The following GPR135 variants were observed in gnomAD, a reference collection of about 807,000 sequenced individuals.
GPR135 encodes G protein-coupled receptor 135, also known as G-protein coupled receptor 135.
A neutral mutation model predicts 15.0 loss-of-function variants in GPR135; 17 were observed. The ratio of observed to expected loss-of-function variants is 1.13; its 90% CI spans 0.78 to 1.70. The LOEUF (loss-of-function observed/expected upper bound fraction) is 1.70. Among genes scored for constraint, GPR135 ranks in the 40% most tolerant of loss-of-function variants. The pLI, the probability that GPR135 is intolerant of heterozygous loss-of-function variation, is 0.00. For missense variants in GPR135, 776 were observed against 727.0 expected, an observed-to-expected ratio of 1.07 and a Z score of -0.78; for synonymous variants, 368 against 349.4, an observed-to-expected ratio of 1.05 and a Z score of -0.59.
downstream of GPR135, among the ~76,000 whole-genome samples, chr14:59,459,781 C>T (rs377433219): frequency 3.9e-5 from 6 of 152,274 alleles, no homozygotes; most frequent in East Asian, 9.6e-4. Context: ...CATTTTTCCT[C>T]TCAAGTGAGA....
downstream of GPR135, among the ~76,000 whole-genome samples, chr14:59,458,703 C>T (rs138558119): frequency 1.1e-3 from 174 of 152,222 alleles, no homozygotes; most frequent in African/African-American, 4.0e-3. Flanking sequence ...TCAGCTTGCC[C>T]GTTCAAGCAT....
Position 59,461,101 on chromosome 14 carries a change from G to A in GPR135, c.*2641C>T. The A allele has an allele frequency of 6.6e-6, 1 of 152,344 alleles. No individual in the cohort carries two copies. The highest frequency in any genetic ancestry group is 1.5e-5 in the Non-Finnish European group (1 of 68,022). 9.4% of individuals were successfully genotyped at this position (152,344 alleles called of 1,614,324 possible). A position where few individuals can be genotyped will look rare whatever the true frequency, so the allele number is the denominator to read the frequency against. On this transcript the variant is annotated 3_prime_UTR_variant, in exon 1 of 1. Coordinates refer to ENST00000395116, the MANE Select transcript of GPR135 (RefSeq NM_022571.6). ...GTTACAAAGCCACAAGGTCCTTGCT[G>A]AGGCTGTAAGCCCTCTGCAGATGAG...
rs1415456340 is a variant in GPR135, at chr14:59,464,729, A to G, written c.498T>C (p.Thr166=). ...CGGCAGGCGCCGAACCCCCGGGCGG[A>G]GTGAAGAGGTCCAGGAAGGCGGCGG... ...CLPAAFLDLF[T]PPGGSAPAAA... The change falls in exon 1 of 1, where the codon ACT becomes ACC. Residue 166 remains threonine, a synonymous_variant. Coordinates refer to ENST00000395116, the MANE Select transcript of GPR135 (RefSeq NM_022571.6). 2 of 1,565,744 alleles carry G rather than the reference A, an allele frequency of 1.3e-6. No homozygotes were observed. The highest frequency in any genetic ancestry group is 3.8e-5 in the Admixed American group (2 of 52,924).
chr14:59,464,833 G>A lies in GPR135; in HGVS notation c.394C>T (p.Arg132Trp), dbSNP rs779653044. 4 of 1,594,744 alleles carry A rather than the reference G, an allele frequency of 2.5e-6. No homozygotes were observed. Among genetic ancestry groups the A allele is most frequent in the African/African-American group, 1.3e-5 (1 of 74,708 alleles). The change falls in exon 1 of 1, where the codon CGG (arginine) becomes TGG (tryptophan). Residue 132 changes from arginine to tryptophan, a missense_variant. Arg to Trp is a moderately radical substitution (Grantham distance 101). Transcript: ENST00000395116. ...CAVMGVIVKH[R>W]QLRTVTNAFI... ...GCGTTGGTGACGGTGCGGAGCTGCC[G>A]GTGCTTCACAATCACCCCCATCACC...
In GPR135 at chr14:59,464,329, T is replaced by A. The variant is rs199514310; in HGVS notation, c.898A>T (p.Ile300Phe). 7.4e-6 allele frequency: 12 copies of A among 1,610,872 alleles called. No homozygotes were observed. In the East Asian group the frequency reaches 2.7e-4, roughly 36 times the overall value. The change falls in exon 1 of 1, where the codon ATC becomes TTC. Residue 300 changes from isoleucine to phenylalanine, a missense_variant. Ile to Phe is a conservative substitution (Grantham distance 21). Transcript: ENST00000395116. Reference sequence around the variant, plus strand: ...TCCGACAGGCGCACCGTCTTGCAGATGTGGTAGTGGCAGAAGCACATGAGC... The same window carrying A: ...TCCGACAGGCGCACCGTCTTGCAGAAGTGGTAGTGGCAGAAGCACATGAGC... ...FLLMCFCHYH[I>F]CKTVRLSDVR...
Position 59,465,344 on chromosome 14 carries a change from G to T in GPR135, c.-118C>A. The T allele has an allele frequency of 1.4e-6, 1 of 740,366 alleles. No individual in the cohort carries two copies. The highest frequency in any genetic ancestry group is 1.8e-6 in the Non-Finnish European group (1 of 544,848). 45.9% of individuals were successfully genotyped at this position (740,366 alleles called of 1,614,324 possible). ...CGCCGCGGGGAGCTGGGCTCGGCCGGAGGGGTGGCGGTCGCTGGGGACCTG... is the reference window on the plus strand; with the variant it reads ...CGCCGCGGGGAGCTGGGCTCGGCCGTAGGGGTGGCGGTCGCTGGGGACCTG... On this transcript the variant is annotated 5_prime_UTR_variant, in exon 1 of 1. Transcript: ENST00000395116.
chr14:59,453,293 G>A (rs1269550961), intron 6 of GPR135, among the ~76,000 whole-genome samples: 1 of 152,098 alleles, frequency 6.6e-6, no homozygotes, highest in East Asian at 1.9e-4. Context: ...TCTCTGGTGG[G>A]GGATATTGGT....
At position 59,463,598 on chromosome 14, in the gene GPR135, G is replaced by A. The variant is rs190028181; in HGVS notation, c.*144C>T. ...TTGAAGAAGGGACATTGTCTTTTAT[G>A]TTGTTTGGGGAAAGTGGTAAGCCTC... On this transcript the variant is annotated 3_prime_UTR_variant, in exon 1 of 1. Transcript: ENST00000395116. 3.0e-4 allele frequency: 229 copies of A among 751,364 alleles called. No homozygotes were observed. In the East Asian group the frequency reaches 5.3e-3, roughly 18 times the overall value. 46.5% of individuals were successfully genotyped at this position (751,364 alleles called of 1,614,324 possible). A position where few individuals can be genotyped will look rare whatever the true frequency, so the allele number is the denominator to read the frequency against.
Position 59,463,532 on chromosome 14 carries a change from G to T in GPR135, c.*210C>A. ...CACAATGCTTGGTTATGTGGTTTAA[G>T]ATTGTTTTAATTTTTGCATTTTACA... On this transcript the variant is annotated 3_prime_UTR_variant, in exon 1 of 1. Coordinates refer to ENST00000395116, the MANE Select transcript of GPR135 (RefSeq NM_022571.6). The T allele has an allele frequency of 3.5e-6, 2 of 574,832 alleles. No individual in the cohort carries two copies. The highest frequency in any genetic ancestry group is 5.8e-5 in the East Asian group (2 of 34,356). The allele number at this position is 574,832 out of a possible 1,614,324, so 35.6% of individuals were successfully genotyped here.
chr14:59,459,295 T>C (rs1324378432), downstream of GPR135, among the ~76,000 whole-genome samples: 5 of 152,288 alleles, frequency 3.3e-5, no homozygotes, highest in African/African-American at 1.2e-4. Context: ...ACCAAAAATA[T>C]TGGAAAAAAT....
chr14:59,462,352 T>G lies in GPR135; in HGVS notation c.*1390A>C, dbSNP rs1258351719. ...TTCTGTGTATAGTCGTATTTAACAT[T>G]AGAAAGTTCACATACGCTTTTGAAT... On this transcript the variant is annotated 3_prime_UTR_variant, in exon 1 of 1. Transcript: ENST00000395116. 6.6e-6 allele frequency: 1 copy of G among 152,210 alleles called. No individual in the cohort carries two copies. Among genetic ancestry groups the G allele is most frequent in the Admixed American group, 6.5e-5 (1 of 15,280 alleles). The allele number at this position is 152,210 out of a possible 1,614,324, so 9.4% of individuals were successfully genotyped here. A position where few individuals can be genotyped will look rare whatever the true frequency, so the allele number is the denominator to read the frequency against.
downstream of GPR135, among the ~76,000 whole-genome samples, chr14:59,457,901 T>C (rs1888717554): frequency 6.6e-6 from 1 of 152,218 alleles, no homozygotes; most frequent in East Asian, 1.9e-4. Context: ...ATATATTTAT[T>C]GCTCTTGTTG....
Position 59,465,319 on chromosome 14 carries a change from C to T in GPR135, c.-93G>A, listed in dbSNP as rs1043392589. ...TGGCTCGGGGCCGGGGGCTAGCGGC[C>T]GCCGCGGGGAGCTGGGCTCGGCCGG... On this transcript the variant is annotated 5_prime_UTR_variant, in exon 1 of 1. Coordinates refer to ENST00000395116, the MANE Select transcript of GPR135 (RefSeq NM_022571.6). The T allele has an allele frequency of 1.0e-6, 1 of 985,340 alleles. No homozygotes were observed. The highest frequency in any genetic ancestry group is 1.3e-6 in the Non-Finnish European group (1 of 768,910). 61.0% of individuals were successfully genotyped at this position (985,340 alleles called of 1,614,324 possible).
chr14:59,455,149 G>A (rs896237205), intron 6 of GPR135, among the ~76,000 whole-genome samples: 1 of 152,072 alleles, frequency 6.6e-6, no homozygotes, highest in Admixed American at 6.5e-5. Context: ...GCTCTGAGAA[G>A]TGTCCTTGTA....
intron 6 of GPR135, among the ~76,000 whole-genome samples, chr14:59,453,817 C>A (rs1888565560): frequency 6.6e-6 from 1 of 152,114 alleles, no homozygotes; most frequent in Non-Finnish European, 1.5e-5. Context: ...CCTTTTGTAC[C>A]TTTTCAAATT....
At position 59,465,208 on chromosome 14, in the gene GPR135, G is replaced by T. The variant is rs1315906147; in HGVS notation, c.19C>A (p.Pro7Thr). Residue 7 changes from proline (P) to threonine (T), a missense_variant, in exon 1 of 1, where the codon CCC becomes ACC. Pro to Thr is a conservative substitution (Grantham distance 38). Transcript: ENST00000395116. ...AAGGCCATGCTCGCTGGTGGGCGGG[G>T]CGGCTGCGGCTCCTCCATGGGGCCC... The part of the protein sequence containing the change: MEEPQP[P>T]RPPASMALLG... 1.6e-6 allele frequency: 2 copies of T among 1,252,200 alleles called. No homozygotes were observed. Among genetic ancestry groups the T allele is most frequent in the Non-Finnish European group, 2.0e-6 (2 of 1,000,340 alleles). The allele number at this position is 1,252,200 out of a possible 1,614,324, so 77.6% of individuals were successfully genotyped here. A position where few individuals can be genotyped will look rare whatever the true frequency, so the allele number is the denominator to read the frequency against.
At position 59,464,374 on chromosome 14, in the gene GPR135, A is replaced by T; in HGVS notation, c.853T>A (p.Cys285Ser). 1 of 1,606,380 alleles carries T rather than the reference A, an allele frequency of 6.2e-7. No homozygotes were observed. The change falls in exon 1 of 1, where the codon TGC (cysteine) becomes AGC (serine). Residue 285 changes from cysteine to serine, a missense_variant. Coordinates refer to ENST00000395116, the MANE Select transcript of GPR135 (RefSeq NM_022571.6). ...AAFSVGLVVACYLLPFLLMCF... is the reference protein window; with the variant it reads ...AAFSVGLVVASYLLPFLLMCF... ...ATGAGCAGGAAGGGCAGCAGGTAGCAGGCCACCACCAGCCCCACGCTGAAG... is the reference window on the plus strand; with the variant it reads ...ATGAGCAGGAAGGGCAGCAGGTAGCTGGCCACCACCAGCCCCACGCTGAAG...
downstream of GPR135, among the ~76,000 whole-genome samples, chr14:59,459,972 C>T (rs932735584): frequency 4.6e-5 from 7 of 152,080 alleles, no homozygotes; most frequent in Admixed American, 2.6e-4. Flanking sequence ...GGTTTGGTGG[C>T]TAAAATATGA....
chr14:59,465,166 A>C lies in GPR135; in HGVS notation c.61T>G (p.Ser21Ala), dbSNP rs997402703. The part of the protein sequence containing the change: ...ASMALLGSQH[S>A]GAPSAAGPPG... ...GGGCCGGCCGCGGAGGGGGCGCCGG[A>C]GTGCTGGCTGCCCAGTAAGGCCATG... Residue 21 changes from serine to alanine, a missense_variant, in exon 1 of 1, where the codon TCC becomes GCC. Transcript: ENST00000395116. 2 of 1,325,468 alleles carry C rather than the reference A, an allele frequency of 1.5e-6. No homozygotes were observed. Among genetic ancestry groups the C allele is most frequent in the Non-Finnish European group, 9.6e-7 (1 of 1,041,680 alleles). 82.1% of individuals were successfully genotyped at this position (1,325,468 alleles called of 1,614,324 possible). A position where few individuals can be genotyped will look rare whatever the true frequency, so the allele number is the denominator to read the frequency against.
Sources: allele counts gnomAD v4.1 joint callset (sites outside exome capture counted in the v4.1 genomes callset), GRCh38; gene constraint gnomAD v4.1.1; transcripts MANE v1.5; gene names NCBI Gene and HGNC (gene_info 2026-07-23, HGNC 2026-07-21).